PLA2G2C: variants seen among roughly 807,000 people sequenced by gnomAD.
PLA2G2C encodes the protein putative inactive group IIC secretory phospholipase A2.
A neutral mutation model predicts 14.3 loss-of-function variants in PLA2G2C; 15 were observed. The observed-to-expected ratio is 1.05, with a 90% CI of 0.70 to 1.62. The LOEUF is 1.62. PLA2G2C is among the 40% of genes most tolerant of loss of function. PLA2G2C has a pLI of 0.00. For missense variants in PLA2G2C, 162 were observed against 173.2 expected (o/e 0.94, Z 0.36); for synonymous variants, 79 against 67.7 (o/e 1.17, Z -0.82).
chr1:20,165,562 C>T (rs2017960540), intron 4 of PLA2G2C, among the ~76,000 whole-genome samples: 1 of 152,144 alleles, frequency 6.6e-6, no homozygotes, highest in Non-Finnish European at 1.5e-5. Flanking sequence ...TGAATGAAGC[C>T]TCTATGGGCC....
chr1:20,164,030 G>C lies in PLA2G2C; in HGVS notation c.411C>G (p.Ser137=). ...PTYEKNFKQF[S]SQPRCGRHKP... ...TATGTCTGCCACACCTGGGCTGGCT[G>C]GAGAACTGCTTGAAGTTTTTCTCAT... Residue 137 remains serine, a synonymous_variant, in exon 5 of 5, where the codon TCC becomes TCG. Transcript: ENST00000679259. The C allele has an allele frequency of 6.2e-7, 1 of 1,613,490 alleles. No homozygotes were observed. Among genetic ancestry groups the C allele is most frequent in the East Asian group, 2.2e-5 (1 of 44,842 alleles).
intron 2 of PLA2G2C, 117 bp from the exon 3 acceptor site, chr1:20,175,262 A>C: frequency 6.9e-7 from 1 of 1,458,188 alleles, no homozygotes; most frequent in Non-Finnish European, 9.4e-7. Context: ...AGATCCCCAA[A>C]GCGAAGTGCA....
At position 20,163,820 on chromosome 1, in the gene PLA2G2C, G is replaced by T; in HGVS notation, c.*171C>A. The T allele has an allele frequency of 2.8e-6, 2 of 709,132 alleles. No individual in the cohort carries two copies. The highest frequency in any genetic ancestry group is 4.5e-6 in the Non-Finnish European group (2 of 445,706). The allele number at this position is 709,132 out of a possible 1,614,324, so 43.9% of individuals were successfully genotyped here. On this transcript the variant is annotated 3_prime_UTR_variant, in exon 5 of 5. Transcript: ENST00000679259. Reference sequence around the variant, plus strand: ...GCTCTCCAGCCCTCTGATGCTGAACGACAGGGAGTCCCCTTGGTCAGAATG... The same window carrying T: ...GCTCTCCAGCCCTCTGATGCTGAACTACAGGGAGTCCCCTTGGTCAGAATG...
chr1:20,185,671 G>A (rs2018360415), intron 1 of PLA2G2C, among the ~76,000 whole-genome samples: 1 of 152,200 alleles, frequency 6.6e-6, no homozygotes, highest in Non-Finnish European at 1.5e-5. Context: ...TACCCTAGAA[G>A]CATCCACTCA....
rs561561729 is a variant in PLA2G2C at position 20,170,978 on chromosome 1, G to T, written c.283+1816C>A. Among the ~76,000 whole-genome samples, 29 of 141,506 alleles carry T rather than the reference G, an allele frequency of 2.0e-4. 4 individuals carry two copies. The highest frequency in any genetic ancestry group is 1.1e-3 in the Admixed American group (16 of 14,572). The allele number at this position is 141,506 out of a possible 152,430, so 92.8% of individuals were successfully genotyped here. A position where few individuals can be genotyped will look rare whatever the true frequency, so the allele number is the denominator to read the frequency against. On this transcript the variant is annotated intron_variant, in intron 4 of 4. Coordinates refer to ENST00000679259, the MANE Select transcript of PLA2G2C (RefSeq NM_001367969.2). ...TGCTCCACTCTCCCTCATCTCCTGG[G>T]GTCCTGGGCTGGGAGGGTGAAGAGC...
intron 1 of PLA2G2C, among the ~76,000 whole-genome samples, chr1:20,179,251 T>C (rs1416923882): frequency 2.0e-5 from 3 of 152,062 alleles, no homozygotes; most frequent in South Asian, 4.2e-4. Flanking sequence ...CTTGTTCTTC[T>C]GTGTCAGCTT....
At chr1:20,164,291 C>T (rs977753485) in intron 4 of PLA2G2C, 134 bp from the exon 5 acceptor site, 19 of 841,744 alleles carry the variant, frequency 2.3e-5, no homozygotes, top group Admixed American at 1.8e-4. Context: ...GAAAGGGATA[C>T]GTGTATGCAT....
intron 4 of PLA2G2C, among the ~76,000 whole-genome samples, chr1:20,167,945 A>G (rs2018004997): frequency 6.6e-6 from 1 of 152,192 alleles, no homozygotes; most frequent in African/African-American, 2.4e-5. Context: ...CCCTGTTTGA[A>G]TGTGTCTTTA....
intron 1 of PLA2G2C, among the ~76,000 whole-genome samples, chr1:20,182,741 A>G (rs1260018906): frequency 2.0e-5 from 3 of 152,214 alleles, no homozygotes; most frequent in Non-Finnish European, 4.4e-5. Flanking sequence ...CATGATCTCA[A>G]TCCACATGTC....
chr1:20,169,971 A>G (rs2018042913), intron 4 of PLA2G2C, among the ~76,000 whole-genome samples: 1 of 152,152 alleles, frequency 6.6e-6, no homozygotes, highest in African/African-American at 2.4e-5. Flanking sequence ...CCAATCATGC[A>G]CACACCAGCA....
intron 2 of PLA2G2C, among the ~76,000 whole-genome samples, chr1:20,176,440 C>T (rs923500243): frequency 6.6e-6 from 1 of 152,166 alleles, no homozygotes; most frequent in Admixed American, 6.5e-5. Context: ...ACAACAAAGA[C>T]ATGAACTTGA....
At chr1:20,169,562 TAATA>T (rs2018035514) in intron 4 of PLA2G2C, among the ~76,000 whole-genome samples, 2 of 152,014 alleles carry the variant, frequency 1.3e-5, no homozygotes, top group African/African-American at 4.8e-5. Context: ...AAAGAAACAG[TAATA>T]AAGAAAATCC....
In PLA2G2C at chr1:20,169,112, G is replaced by T. The variant is rs1349207900; in HGVS notation, c.283+3682C>A. 2.6e-5 allele frequency among the ~76,000 whole-genome samples: 4 copies of T among 152,202 alleles called. 1 individual carries two copies. Among genetic ancestry groups the T allele is most frequent in the Admixed American group, 2.6e-4 (4 of 15,286 alleles). ...AGAACTCATGGGAGGCTAGGGAGTTGGTTAACTCTTGCAGGGGCAGCTCTT... is the reference window on the plus strand; with the variant it reads ...AGAACTCATGGGAGGCTAGGGAGTTTGTTAACTCTTGCAGGGGCAGCTCTT... On this transcript the variant is annotated intron_variant, in intron 4 of 4. Transcript: ENST00000679259.
At chr1:20,174,428 G>C (rs1403781065) in intron 3 of PLA2G2C, among the ~76,000 whole-genome samples, 1 of 152,138 alleles carries the variant, frequency 6.6e-6, no homozygotes, top group East Asian at 1.9e-4. Context: ...AGCCAGGTTT[G>C]TGCCATGCAA....
intron 4 of PLA2G2C, among the ~76,000 whole-genome samples, chr1:20,164,434 GTGTT>G (rs1254774697): frequency 6.6e-6 from 1 of 152,202 alleles, no homozygotes; most frequent in Non-Finnish European, 1.5e-5. Flanking sequence ...GTGCATGTGT[GTGTT>G]TAGGGCTCTC....
intron 1 of PLA2G2C, among the ~76,000 whole-genome samples, chr1:20,178,157 T>A (rs910630623): frequency 4.6e-5 from 7 of 152,318 alleles, no homozygotes; most frequent in African/African-American, 1.7e-4. Context: ...ACAGAATTCA[T>A]ATTCCGATTA....
chr1:20,164,408 G>A (rs186345372), intron 4 of PLA2G2C, among the ~76,000 whole-genome samples: 33 of 152,278 alleles, frequency 2.2e-4, no homozygotes, highest in Admixed American at 2.0e-3. Flanking sequence ...ATGTGCCTGT[G>A]TATGTGTGTG....
chr1:20,175,301 T>C, intron 2 of PLA2G2C, 156 bp from the exon 3 acceptor site: 1 of 1,076,920 alleles, frequency 9.3e-7, no homozygotes, highest in Non-Finnish European at 1.3e-6. Context: ...ACCAGCCTCT[T>C]TCCTGGGGAA....
chr1:20,174,108 G>A (rs558213111), intron 3 of PLA2G2C, among the ~76,000 whole-genome samples: 1 of 152,246 alleles, frequency 6.6e-6, no homozygotes, highest in Admixed American at 6.5e-5. Context: ...CCCAGTGCTT[G>A]GCACATAAGG....
Sources: gnomAD v4.1 joint callset for allele counts (sites outside exome capture counted in the v4.1 genomes callset) on GRCh38, gnomAD v4.1.1 for gene constraint, MANE v1.5 for transcripts, NCBI Gene and HGNC (gene_info 2026-07-23, HGNC 2026-07-21) for gene names.